The following HK1 variants were observed in gnomAD, a reference collection of about 807,000 sequenced individuals.
HK1 encodes the protein hexokinase-1.
HK1 carries 28 observed loss-of-function variants against 91.6 expected under a neutral mutation model. The observed-to-expected ratio is 0.31, with a 90% CI of 0.23 to 0.42. The LOEUF is 0.42. Ranked by LOEUF, HK1 falls within the 10% of genes least tolerant of loss-of-function variation. The pLI is 1.00. For synonymous variants in HK1, 430 were observed against 468.1 expected, an observed-to-expected ratio of 0.92 and a Z score of 1.05; for missense variants, 770 against 1,219.8, an observed-to-expected ratio of 0.63 and a Z score of 5.49.
intron 2 of HK1, among the ~76,000 whole-genome samples, chr10:69,284,161 C>T (rs1314253904): frequency 6.6e-6 from 1 of 152,080 alleles, no homozygotes; most frequent in Non-Finnish European, 1.5e-5. Flanking sequence ...AGTTGAGGGA[C>T]AGTGTGCAAG....
intron 7 of HK1, among the ~76,000 whole-genome samples, chr10:69,375,867 T>C (rs1207412049): frequency 6.6e-6 from 1 of 152,160 alleles, no homozygotes; most frequent in African/African-American, 2.4e-5. Context: ...TGTTGGCTTC[T>C]ATCTCTACAC....
At position 69,401,370 on chromosome 10, in the gene HK1, A is replaced by AAG; in HGVS notation, c.*235_*236insAG. On this transcript the variant is annotated 3_prime_UTR_variant, in exon 18 of 18. Coordinates refer to ENST00000359426, the MANE Select transcript of HK1 (RefSeq NM_000188.3). ...TTGCCCTGCCACTTTGCATGGTTTG[A>AAG]TTTTGACCTGGTCCCCCACGTGTGA... 1 of 597,966 alleles carries AAG rather than the reference A, an allele frequency of 1.7e-6. No individual in the cohort carries two copies. The highest frequency in any genetic ancestry group is 2.9e-5 in the Admixed American group (1 of 34,472). The allele number at this position is 597,966 out of a possible 1,614,324, so 37.0% of individuals were successfully genotyped here.
intron 7 of HK1, among the ~76,000 whole-genome samples, chr10:69,373,870 G>C (rs937998166): frequency 6.6e-6 from 1 of 152,168 alleles, no homozygotes; most frequent in Non-Finnish European, 1.5e-5. Context: ...CATTACAGGT[G>C]TGAGCTACTG....
chr10:69,305,832 G>C (rs1323307839), intron 5 of HK1, among the ~76,000 whole-genome samples: 2 of 149,372 alleles, frequency 1.3e-5, no homozygotes, highest in Non-Finnish European at 3.0e-5. Flanking sequence ...CAGCCTGGGC[G>C]ACAGAGTGAG....
chr10:69,393,638 G>A (rs1043556211), intron 15 of HK1, among the ~76,000 whole-genome samples: 2 of 152,260 alleles, frequency 1.3e-5, no homozygotes, highest in African/African-American at 4.8e-5. Flanking sequence ...GGAGGAAAAA[G>A]AGGAAGAACC....
intron 7 of HK1, among the ~76,000 whole-genome samples, chr10:69,370,329 GAA>G (rs540685597): frequency 4.8e-5 from 7 of 144,530 alleles, no homozygotes; most frequent in Non-Finnish European, 9.2e-5. Flanking sequence ...AGTAGCCCCT[GAA>G]AAAAAAAAAT....
chr10:69,344,079 T>G, intron 2 of HK1, 90 bp downstream of exon 2: 1 of 1,322,906 alleles, frequency 7.6e-7, no homozygotes, highest in Non-Finnish European at 1.1e-6. Flanking sequence ...ATTTGCTCAT[T>G]CATTCATTCA....
chr10:69,277,444 T>G (rs1844526588), intron 1 of HK1, among the ~76,000 whole-genome samples: 1 of 152,048 alleles, frequency 6.6e-6, no homozygotes. Context: ...GGTGCCCACC[T>G]GTTGTCCCAG....
chr10:69,304,293 TA>T (rs1846007145), intron 5 of HK1, among the ~76,000 whole-genome samples: 1 of 149,448 alleles, frequency 6.7e-6, no homozygotes. Context: ...TTTATTTATT[TA>T]TTTATTTATT....
chr10:69,388,676 C>T (rs907724699), intron 13 of HK1, among the ~76,000 whole-genome samples: 2 of 152,182 alleles, frequency 1.3e-5, no homozygotes, highest in Non-Finnish European at 1.5e-5. Context: ...TTCCTGGCTG[C>T]GTAGGATTCC....
At chr10:69,378,906 C>A (rs1839249845) in intron 8 of HK1, among the ~76,000 whole-genome samples, 2 of 152,044 alleles carry the variant, frequency 1.3e-5, no homozygotes, top group Non-Finnish European at 2.9e-5. Flanking sequence ...TTAAGATAAA[C>A]AAAATTGATT....
chr10:69,328,150 G>A (rs1190382208), intron 1 of HK1, among the ~76,000 whole-genome samples: 1 of 152,174 alleles, frequency 6.6e-6, no homozygotes, highest in Non-Finnish European at 1.5e-5. Flanking sequence ...CAAGCCAGCA[G>A]CCTCTCAGAC....
intron 2 of HK1, among the ~76,000 whole-genome samples, chr10:69,350,212 C>T (rs1387368120): frequency 6.6e-6 from 1 of 152,104 alleles, no homozygotes; most frequent in East Asian, 1.9e-4. Flanking sequence ...CTTGGGATGC[C>T]CCTGGATCCC....
chr10:69,398,557 C>A, intron 16 of HK1, 38 bp from the exon 17 acceptor site: 2 of 1,550,494 alleles, frequency 1.3e-6, no homozygotes, highest in Non-Finnish European at 1.8e-6. Flanking sequence ...TCTTGTGGGT[C>A]CTGCTTCATC....
chr10:69,370,761 G>GT (rs1288327515), intron 7 of HK1, among the ~76,000 whole-genome samples: 4 of 152,146 alleles, frequency 2.6e-5, no homozygotes, highest in Non-Finnish European at 4.4e-5. Flanking sequence ...GGCAATCTCC[G>GT]TATCTCCAAT....
At chr10:69,360,182 G>A (rs1408807722) in intron 3 of HK1, 137 bp downstream of exon 3, 7 of 822,290 alleles carry the variant, frequency 8.5e-6, no homozygotes, top group Non-Finnish European at 1.4e-5. Context: ...AGATGCATAT[G>A]TAAAAGGACT....
chr10:69,369,470 G>T lies in HK1; in HGVS notation c.721G>T (p.Glu241Ter). 1 of 1,614,230 alleles carries T rather than the reference G, an allele frequency of 6.2e-7. No homozygotes were observed. The highest frequency in any genetic ancestry group is 8.5e-7 in the Non-Finnish European group (1 of 1,180,036). ...TGGCACCAATGCTTGCTACATGGAG[G>T]AACTGAGGCACATTGATCTGGTGGA... ...GTGTNACYME[E>*]LRHIDLVEGD... Residue 241 changes from glutamate to a stop codon, truncating the protein, a stop_gained, in exon 7 of 18, where the codon GAA (glutamate) becomes TAA (stop). Coordinates refer to ENST00000359426, the MANE Select transcript of HK1 (RefSeq NM_000188.3). LOFTEE classifies it high-confidence loss of function. The surrounding 1 kb of genome is among the most constrained non-coding windows in gnomAD (Gnocchi z 4.4).
chr10:69,307,829 T>G (rs1419994297), intron 5 of HK1, among the ~76,000 whole-genome samples: 1 of 152,150 alleles, frequency 6.6e-6, no homozygotes, highest in Non-Finnish European at 1.5e-5. Flanking sequence ...TTCTCTGTTT[T>G]AAAATATATT....
intron 5 of HK1, among the ~76,000 whole-genome samples, chr10:69,301,573 C>T (rs1353852093): frequency 1.2e-5 from 1 of 80,806 alleles, no homozygotes; most frequent in South Asian, 4.4e-4. Flanking sequence ...GACTCTGTCT[C>T]AAAAAAAAAA....
Sources: allele counts gnomAD v4.1 joint callset (sites outside exome capture counted in the v4.1 genomes callset), GRCh38; gene constraint gnomAD v4.1.1; non-coding constraint Gnocchi (gnomAD v3.1); transcripts MANE v1.5; gene names NCBI Gene and HGNC (gene_info 2026-07-23, HGNC 2026-07-21).